SPATA6L: variants seen among roughly 807,000 people sequenced by gnomAD.
SPATA6L encodes spermatogenesis associated 6 like, also known as spermatogenesis associated 6-like protein.
Under a neutral mutation model 49.2 loss-of-function variants are expected in SPATA6L, and 68 were observed. The observed-to-expected ratio is 1.38, with a 90% CI of 1.14 to 1.69. The LOEUF is 1.69. Among genes scored for constraint, SPATA6L ranks in the 40% most tolerant of loss-of-function variants. The probability of loss-of-function intolerance (pLI) is 0.00; values close to 1 mark genes in which losing one functional copy is unlikely to be tolerated. For missense variants in SPATA6L, 668 were observed against 464.3 expected (o/e 1.44, Z -4.03); for synonymous variants, 198 against 165.7 (o/e 1.19, Z -1.50).
intron 11 of SPATA6L, among the ~76,000 whole-genome samples, chr9:4,602,350 G>C (rs1285597619): frequency 1.3e-5 from 2 of 152,072 alleles, no homozygotes; most frequent in African/African-American, 4.8e-5. Context: ...AAATGGCCCA[G>C]AATCCGTCCT....
intron 9 of SPATA6L, among the ~76,000 whole-genome samples, chr9:4,616,607 C>T (rs996076206): frequency 2.2e-4 from 34 of 152,232 alleles, no homozygotes; most frequent in Middle Eastern, 3.4e-3. Flanking sequence ...TTGTTTTAAA[C>T]GGAATTGCGC....
At chr9:4,634,615 T>C (rs1832387885) in intron 4 of SPATA6L, among the ~76,000 whole-genome samples, 1 of 152,216 alleles carries the variant, frequency 6.6e-6, no homozygotes, top group African/African-American at 2.4e-5. Flanking sequence ...TCAAAATATT[T>C]TTTATAATTC....
At chr9:4,621,783 C>T (rs562090525) in intron 7 of SPATA6L, among the ~76,000 whole-genome samples, 1 of 152,218 alleles carries the variant, frequency 6.6e-6, no homozygotes, top group South Asian at 2.1e-4. Context: ...TCACCGTACC[C>T]GGCCGTAGTC....
chr9:4,622,369 CAT>C, intron 7 of SPATA6L, 37 bp downstream of exon 7: 1 of 1,254,694 alleles, frequency 8.0e-7, no homozygotes, highest in East Asian at 2.3e-5. Context: ...CATTTGTTGC[CAT>C]AGGGAAATGT....
intron 6 of SPATA6L, 63 bp from the exon 7 acceptor site, chr9:4,622,573 T>A (rs2130419002): frequency 1.8e-6 from 2 of 1,133,974 alleles, no homozygotes; most frequent in East Asian, 4.8e-5. Context: ...CTCCCCTCGT[T>A]ACCGGAATGC....
At chr9:4,664,727 C>A (rs1310104502) in intron 1 of SPATA6L, 1 of 167,042 alleles carries the variant, frequency 6.0e-6, no homozygotes, top group East Asian at 1.9e-4. Flanking sequence ...ATCTGCCATA[C>A]GGAGGTTCGG....
In SPATA6L at chr9:4,662,548, T is replaced by C; in HGVS notation, c.40-512A>G. 1 of 1,573,892 alleles carries C rather than the reference T, an allele frequency of 6.4e-7. No homozygotes were observed. The highest frequency in any genetic ancestry group is 1.3e-5 in the African/African-American group (1 of 74,150). ...GCCGTGGACCCCACCTGCGCCCGGC[T>C]CCGTGCATCGGAGAGCCCAGTTCAC... On this transcript the variant is annotated intron_variant, in intron 1 of 11. Coordinates refer to ENST00000682582, the MANE Select transcript of SPATA6L (RefSeq NM_001353486.2). This position sits in a 1 kb window ranked among gnomAD's most constrained non-coding sequence, Gnocchi z 4.9.
intron 13 of SPATA6L, among the ~76,000 whole-genome samples, chr9:4,590,358 GC>G (rs1158150596): frequency 1.3e-5 from 2 of 152,174 alleles, no homozygotes; most frequent in Non-Finnish European, 2.9e-5. Context: ...AAACTCCTAA[GC>G]AAGCAGTGAG....
chr9:4,652,774 G>C (rs1341126085), intron 3 of SPATA6L, among the ~76,000 whole-genome samples: 1 of 149,662 alleles, frequency 6.7e-6, no homozygotes, highest in Non-Finnish European at 1.5e-5. Flanking sequence ...CTGGGAGGCA[G>C]AGGGTGCAGT....
intron 3 of SPATA6L, among the ~76,000 whole-genome samples, chr9:4,642,591 C>T (rs971261927): frequency 1.3e-5 from 2 of 152,206 alleles, no homozygotes; most frequent in African/African-American, 4.8e-5. Context: ...TGACCTGCTC[C>T]AGTGATATCC....
rs764005110 is a variant in SPATA6L at position 4,662,709 on chromosome 9, T to C, written c.40-673A>G. On this transcript the variant is annotated intron_variant, in intron 1 of 11. Coordinates refer to ENST00000682582, the MANE Select transcript of SPATA6L (RefSeq NM_001353486.2). The surrounding 1 kb of genome is among the most constrained non-coding windows in gnomAD (Gnocchi z 4.9). ...GCGCTCCCTGCTGGCCATCGACCTG[T>C]GGCTGTCCAAGAAGCTGGGGGTGTG... 9 of 1,601,830 alleles carry C rather than the reference T, an allele frequency of 5.6e-6. No homozygotes were observed. The East Asian group carries it at 1.1e-4, about 20-fold the overall frequency.
At chr9:4,658,342 T>G (rs537904749) in intron 2 of SPATA6L, among the ~76,000 whole-genome samples, 1 of 152,204 alleles carries the variant, frequency 6.6e-6, no homozygotes, top group South Asian at 2.1e-4. Context: ...AAATTCCATT[T>G]TGAATTACAC....
chr9:4,606,054 G>C (rs188121735), intron 9 of SPATA6L, among the ~76,000 whole-genome samples: 6,711 of 152,084 alleles, frequency 0.044, 457 homozygotes, highest in African/African-American at 0.15. Flanking sequence ...GGTGACAGAT[G>C]GCACCTGGAA....
chr9:4,629,119 C>G lies in SPATA6L; in HGVS notation c.401G>C (p.Cys134Ser), dbSNP rs373052180. The G allele has an allele frequency of 6.2e-7, 1 of 1,611,016 alleles. No individual in the cohort carries two copies. The highest frequency in any genetic ancestry group is 8.5e-7 in the Non-Finnish European group (1 of 1,178,718). Residue 134 changes from cysteine to serine, a missense_variant, in exon 5 of 12, where the codon TGT (cysteine) becomes TCT (serine). Cys to Ser is a moderately radical substitution (Grantham distance 112, BLOSUM62 -1). Coordinates refer to ENST00000682582, the MANE Select transcript of SPATA6L (RefSeq NM_001353486.2). ...AAATCTGTTTCTATGCAGAAACACA[C>G]ATTCTCTGATGGCTGTCCTTGTAGA... ...EFSTRTAIRE[C>S]VFLHRNRFLE...
chr9:4,664,146 GA>G (rs1314993120), intron 1 of SPATA6L: 1 of 167,136 alleles, frequency 6.0e-6, no homozygotes, highest in Non-Finnish European at 1.5e-5. Context: ...AGTTGCTGGG[GA>G]AAGTTAGAGG....
At chr9:4,652,618 G>A (rs1330426029) in intron 3 of SPATA6L, among the ~76,000 whole-genome samples, 1 of 151,946 alleles carries the variant, frequency 6.6e-6, no homozygotes, top group Non-Finnish European at 1.5e-5. Flanking sequence ...GGGAGTCCAA[G>A]GCGGGTGGAT....
intron 3 of SPATA6L, among the ~76,000 whole-genome samples, chr9:4,648,481 C>T (rs1484895521): frequency 7.2e-5 from 11 of 151,814 alleles, no homozygotes; most frequent in African/African-American, 2.2e-4. Flanking sequence ...GGGCGGATCA[C>T]AAGGTCAGGA....
intron 1 of SPATA6L, chr9:4,665,076 A>G (rs187270213): frequency 2.4e-5 from 4 of 167,206 alleles, no homozygotes; most frequent in South Asian, 4.1e-4. Context: ...TGTAATTACA[A>G]TTTTGGAATT....
At chr9:4,602,649 G>T (rs975828200) in intron 11 of SPATA6L, among the ~76,000 whole-genome samples, 2 of 145,970 alleles carry the variant, frequency 1.4e-5, no homozygotes, top group Admixed American at 1.4e-4. Context: ...ATCCTAGTGG[G>T]AGCCTTCCAA....
Sources: gnomAD v4.1 joint callset for allele counts (sites outside exome capture counted in the v4.1 genomes callset) on GRCh38, gnomAD v4.1.1 for gene constraint, Gnocchi (gnomAD v3.1) non-coding constraint, MANE v1.5 for transcripts, NCBI Gene and HGNC (gene_info 2026-07-23, HGNC 2026-07-21) for gene names.